ZNF18: variants seen among roughly 807,000 people sequenced by gnomAD.
The protein encoded by ZNF18 is zinc finger protein 18, also known as heart development-specific gene 1 protein.
In ZNF18, 42 loss-of-function variants were observed where a neutral mutation model predicts 58.1. The ratio of observed to expected loss-of-function variants is 0.72; its 90% CI spans 0.56 to 0.93. ZNF18 has a LOEUF of 0.93. ZNF18 is among the 40% of genes least tolerant of loss of function. ZNF18 has a pLI of 0.00. For missense variants in ZNF18, 540 were observed against 644.2 expected (o/e 0.84, Z 1.75); for synonymous variants, 231 against 239.8 (o/e 0.96, Z 0.34).
intron 6 of ZNF18, among the ~76,000 whole-genome samples, chr17:11,982,616 T>TC (rs1361837367): frequency 6.6e-6 from 1 of 151,852 alleles, no homozygotes; most frequent in East Asian, 1.9e-4. Context: ...TCCTTGGTCC[T>TC]CTTCTTCCTC....
the ZNF18 span, among the ~76,000 whole-genome samples, chr17:12,015,813 G>C: frequency 6.6e-6 from 1 of 151,448 alleles, no homozygotes; most frequent in Non-Finnish European, 1.5e-5. Context: ...TTTTGAGACA[G>C]AGTCTTTCTC....
At chr17:11,983,207 T>TC (rs1202794072) in intron 6 of ZNF18, 90 bp downstream of exon 6, 6 of 911,052 alleles carry the variant, frequency 6.6e-6, no homozygotes, top group Non-Finnish European at 1.1e-5. Flanking sequence ...ATATTCTGCC[T>TC]CCCCTGACCT....
At chr17:12,009,197 G>C in the ZNF18 span, 3 of 151,994 alleles carry the variant, frequency 2.0e-5, no homozygotes, top group African/African-American at 7.3e-5. Context: ...TCACATACCT[G>C]AAAACAGATA....
chr17:11,991,245 C>G (rs1225390324), intron 2 of ZNF18, 82 bp from the exon 3 acceptor site: 1 of 1,222,048 alleles, frequency 8.2e-7, no homozygotes, highest in African/African-American at 1.5e-5. Flanking sequence ...CTCTCTACAA[C>G]AGATCATAAG....
chr17:11,978,822 T>C (rs968647455), intron 6 of ZNF18, 78 bp from the exon 7 acceptor site: 1 of 320,470 alleles, frequency 3.1e-6, no homozygotes, highest in East Asian at 6.2e-5. Context: ...GAGAGGGTCA[T>C]CATAAAACAT....
the ZNF18 span, among the ~76,000 whole-genome samples, chr17:12,007,696 C>T: frequency 4.6e-5 from 7 of 152,176 alleles, no homozygotes; most frequent in African/African-American, 9.7e-5. Flanking sequence ...GATGGCTAGA[C>T]GCCTGCCCAC....
At position 11,977,882 on chromosome 17, in the gene ZNF18, T is replaced by C; in HGVS notation, c.*75A>G. The C allele has an allele frequency of 1.3e-6, 2 of 1,488,898 alleles. No homozygotes were observed. Among genetic ancestry groups the C allele is most frequent in the Admixed American group, 2.3e-5 (1 of 44,014 alleles). The allele number at this position is 1,488,898 out of a possible 1,614,324, so 92.2% of individuals were successfully genotyped here. A position where few individuals can be genotyped will look rare whatever the true frequency, so the allele number is the denominator to read the frequency against. On this transcript the variant is annotated 3_prime_UTR_variant, in exon 7 of 7. Transcript: ENST00000580306. ...AACAGGGGTATCCTCTTAGACACAA[T>C]TCCTCTTGATGGAGCTGAGTATTTT...
intron 1 of ZNF18, among the ~76,000 whole-genome samples, chr17:11,994,770 G>A (rs1013508861): frequency 1.3e-5 from 2 of 152,172 alleles, no homozygotes; most frequent in African/African-American, 2.4e-5. Context: ...GAACCTGGGA[G>A]GCAGAGCTTG....
chr17:11,984,271 A>G (rs934803053), intron 4 of ZNF18, 74 bp from the exon 5 acceptor site: 18 of 1,426,948 alleles, frequency 1.3e-5, no homozygotes, highest in Non-Finnish European at 1.7e-5. Flanking sequence ...TTCCCTGCCT[A>G]AAGGAAAGCT....
the ZNF18 span, among the ~76,000 whole-genome samples, chr17:12,018,420 G>C: frequency 6.6e-6 from 1 of 152,184 alleles, no homozygotes; most frequent in East Asian, 1.9e-4. Flanking sequence ...ACACTCTGTG[G>C]CTTGTAGATG....
At chr17:12,015,605 C>G in the ZNF18 span, among the ~76,000 whole-genome samples, 1 of 152,104 alleles carries the variant, frequency 6.6e-6, no homozygotes, top group East Asian at 1.9e-4. Context: ...TAGTTAGTAG[C>G]AGTCTATCCA....
chr17:11,998,191 ATCCCTCCCTCGGCTCAG>A (rs1968584045), upstream of ZNF18, among the ~76,000 whole-genome samples: 1 of 151,590 alleles, frequency 6.6e-6, no homozygotes, highest in East Asian at 1.9e-4. Flanking sequence ...CCTTCTCACT[ATCCCTCCCTCGGCTCAG>A]TTCCACACCA....
Position 11,978,238 on chromosome 17 carries a change from TTC to T in ZNF18, c.1367_1368del (p.Arg456AsnfsTer9). 1 of 1,613,644 alleles carries T rather than the reference TTC, an allele frequency of 6.2e-7. No individual in the cohort carries two copies. The highest frequency in any genetic ancestry group is 8.5e-7 in the Non-Finnish European group (1 of 1,179,824). The part of the protein sequence containing the change: ...LRSSDFVKHQ[R>X]THTGEKPCKC... ...TTACAGGGCTTCTCTCCCGTGTGAG[TTC>T]TCTGATGCTTCACAAAGTCTGAACT... On this transcript the variant is annotated frameshift_variant, in exon 7 of 7. Transcript: ENST00000580306. LOFTEE classifies it high-confidence loss of function.
At chr17:12,016,311 T>TTTA in the ZNF18 span, among the ~76,000 whole-genome samples, 1 of 152,048 alleles carries the variant, frequency 6.6e-6, no homozygotes, top group Non-Finnish European at 1.5e-5. Flanking sequence ...TTTATTTCTT[T>TTTA]TTATTATTAT....
At chr17:12,016,913 T>C in the ZNF18 span, among the ~76,000 whole-genome samples, 1 of 152,080 alleles carries the variant, frequency 6.6e-6, no homozygotes, top group African/African-American at 2.4e-5. Flanking sequence ...AATAGTAATA[T>C]TGGCCAGGTG....
chr17:11,991,786 G>A (rs1968143337), intron 2 of ZNF18, among the ~76,000 whole-genome samples: 1 of 152,082 alleles, frequency 6.6e-6, no homozygotes, highest in Non-Finnish European at 1.5e-5. Flanking sequence ...GAGATTAAAA[G>A]GTTGGAACTT....
the ZNF18 span, among the ~76,000 whole-genome samples, chr17:12,008,901 C>T: frequency 3.3e-5 from 5 of 152,326 alleles, no homozygotes; most frequent in African/African-American, 1.2e-4. Flanking sequence ...AGAATTTAGT[C>T]TAGGTCTACT....
intron 6 of ZNF18, among the ~76,000 whole-genome samples, chr17:11,980,488 T>C (rs1363224117): frequency 1.3e-5 from 2 of 152,190 alleles, no homozygotes; most frequent in African/African-American, 4.8e-5. Flanking sequence ...TGGCGTGATC[T>C]TGGCTCACTG....
chr17:11,981,249 T>G (rs1404534324), intron 6 of ZNF18, among the ~76,000 whole-genome samples: 1 of 152,064 alleles, frequency 6.6e-6, no homozygotes, highest in Non-Finnish European at 1.5e-5. Context: ...CTCCTCCAAG[T>G]GTTCCCTTCC....
Sources: gnomAD v4.1 joint callset for allele counts (sites outside exome capture counted in the v4.1 genomes callset) on GRCh38, gnomAD v4.1.1 for gene constraint, MANE v1.5 for transcripts, NCBI Gene and HGNC (gene_info 2026-07-23, HGNC 2026-07-21) for gene names.